The following GIGYF2 variants were observed in gnomAD, a reference collection of about 807,000 sequenced individuals.
The protein encoded by GIGYF2 is GRB10-interacting GYF protein 2.
Under a neutral mutation model 208.1 loss-of-function variants are expected in GIGYF2, and 25 were observed. That is an observed-to-expected ratio of 0.12 (90% CI 0.09 to 0.17). GIGYF2 has a LOEUF of 0.17. GIGYF2 is among the 10% of genes least tolerant of loss of function. The pLI is 1.00. For synonymous variants in GIGYF2, 534 were observed against 543.8 expected, an observed-to-expected ratio of 0.98 and a Z score of 0.25; for missense variants, 1,302 against 1,579.4, an observed-to-expected ratio of 0.82 and a Z score of 2.98.
At chr2:232,714,466 G>T (rs1483103895) in intron 2 of GIGYF2, among the ~76,000 whole-genome samples, 2 of 151,838 alleles carry the variant, frequency 1.3e-5, no homozygotes, top group Non-Finnish European at 2.9e-5. Context: ...TGCTTTTTTG[G>T]GGGGTGCAGT....
At chr2:232,840,915 G>A (rs1701794665) in intron 23 of GIGYF2, among the ~76,000 whole-genome samples, 1 of 152,128 alleles carries the variant, frequency 6.6e-6, no homozygotes, top group African/African-American at 2.4e-5. Context: ...TTTTGGATCT[G>A]GGTCATGTGG....
At chr2:232,755,085 G>T (rs79987996) in intron 5 of GIGYF2, among the ~76,000 whole-genome samples, 3,521 of 152,200 alleles carry the variant, frequency 0.023, 150 homozygotes, top group African/African-American at 0.081. Context: ...ATATTTCAGT[G>T]GATTTTGAAT....
At chr2:232,711,729 T>TATA in intron 2 of GIGYF2, among the ~76,000 whole-genome samples, 1 of 75,086 alleles carries the variant, frequency 1.3e-5, no homozygotes, top group East Asian at 4.2e-4. Context: ...ATATATATAG[T>TATA]TGTAATAGAA....
At chr2:232,844,621 G>A (rs1224512209) in intron 25 of GIGYF2, 47 bp downstream of exon 25, 1 of 1,321,932 alleles carries the variant, frequency 7.6e-7, no homozygotes, top group South Asian at 1.2e-5. Flanking sequence ...TGGTTGGGAG[G>A]TGGGGATGGA....
At chr2:232,833,124 C>T (rs973865303) in intron 22 of GIGYF2, 31 bp downstream of exon 22, 1 of 1,479,576 alleles carries the variant, frequency 6.8e-7, no homozygotes, top group Non-Finnish European at 9.2e-7. Context: ...CTTAGGAGCT[C>T]CTTGCTAACA....
intron 2 of GIGYF2, among the ~76,000 whole-genome samples, chr2:232,733,635 G>T (rs73995896): frequency 6.1e-4 from 93 of 152,240 alleles, no homozygotes; most frequent in African/African-American, 2.1e-3. Flanking sequence ...TTGTCCCTCA[G>T]TATCCATGGG....
In GIGYF2 at chr2:232,844,237, C is replaced by T. The variant is rs1701923449; in HGVS notation, c.3081C>T (p.Asn1027=). Residue 1027 remains asparagine, a synonymous_variant, in exon 24 of 29, where the codon AAC becomes AAT. Transcript: ENST00000373563. ...AGCAGCAGCAACACCAGCAACCAAACAGAGCTCGTAACAATACGGTGTGTG... is the reference window on the plus strand; with the variant it reads ...AGCAGCAGCAACACCAGCAACCAAATAGAGCTCGTAACAATACGGTGTGTG... The part of the protein sequence containing the change: ...QQQQQQHQQP[N]RARNNTHSNL... The T allele has an allele frequency of 6.4e-7, 1 of 1,571,928 alleles. No individual in the cohort carries two copies.
Position 232,722,089 on chromosome 2 carries a change from C to T in GIGYF2, c.-43-13066C>T, listed in dbSNP as rs144202503. 4.6e-4 allele frequency among the ~76,000 whole-genome samples: 70 copies of T among 152,322 alleles called. No homozygotes were observed. The East Asian group carries it at 0.013, about 29-fold the overall frequency. On this transcript the variant is annotated intron_variant, in intron 2 of 28. Transcript: ENST00000373563. ...GCTGACAAAACCCTAACCCTGGTTTCCTGTGGGCTCTCTGCCCCATACTCA... is the reference window on the plus strand; with the variant it reads ...GCTGACAAAACCCTAACCCTGGTTTTCTGTGGGCTCTCTGCCCCATACTCA...
At chr2:232,768,018 T>C (rs564368757) in intron 8 of GIGYF2, 2 of 639,998 alleles carry the variant, frequency 3.1e-6, no homozygotes, top group South Asian at 1.9e-5. Flanking sequence ...TAGAGTGTTA[T>C]GTTTCCAGAA....
intron 20 of GIGYF2, among the ~76,000 whole-genome samples, chr2:232,818,893 C>T (rs1189266184): frequency 6.6e-6 from 1 of 152,042 alleles, no homozygotes; most frequent in Non-Finnish European, 1.5e-5. Context: ...GATAAGTGTT[C>T]GAATGAAAGT....
At position 232,748,978 on chromosome 2, in the gene GIGYF2, G is replaced by A; in HGVS notation, c.172-9G>A. The A allele has an allele frequency of 7.4e-7, 1 of 1,348,816 alleles. No homozygotes were observed. The highest frequency in any genetic ancestry group is 1.2e-5 in the South Asian group (1 of 85,656). The allele number at this position is 1,348,816 out of a possible 1,614,324, so 83.6% of individuals were successfully genotyped here. Reference sequence around the variant, plus strand: ...CATTAATCTCATAATCATGTGTTTGGTCCTACAGATACCTTCAGACCTTCT... The same window carrying A: ...CATTAATCTCATAATCATGTGTTTGATCCTACAGATACCTTCAGACCTTCT... On this transcript the variant is annotated splice_polypyrimidine_tract_variant and intron_variant, in intron 4 of 28. Coordinates refer to ENST00000373563, the MANE Select transcript of GIGYF2 (RefSeq NM_001103146.3).
intron 15 of GIGYF2, among the ~76,000 whole-genome samples, chr2:232,809,241 C>T (rs1700655127): frequency 6.6e-6 from 1 of 152,214 alleles, no homozygotes; most frequent in African/African-American, 2.4e-5. Flanking sequence ...CCACGCCCGG[C>T]CTCTTTTTAT....
chr2:232,700,090 C>T (rs1410555091), intron 1 of GIGYF2, among the ~76,000 whole-genome samples: 1 of 152,100 alleles, frequency 6.6e-6, no homozygotes, highest in East Asian at 1.9e-4. Context: ...AATGCTTTTG[C>T]TGGTGAGATG....
chr2:232,739,847 C>T, intron 3 of GIGYF2, among the ~76,000 whole-genome samples: 1 of 151,250 alleles, frequency 6.6e-6, no homozygotes, highest in South Asian at 2.1e-4. Flanking sequence ...TGCCTGTAAT[C>T]CCAGCACTTT....
chr2:232,856,250 G>C (rs1006332826), intron 28 of GIGYF2, among the ~76,000 whole-genome samples: 6 of 152,050 alleles, frequency 3.9e-5, no homozygotes, highest in Non-Finnish European at 8.8e-5. Context: ...TTTTTAATTG[G>C]TGATGCTATT....
In GIGYF2 at chr2:232,857,707, G is replaced by A. The variant is rs1037864740; in HGVS notation, c.*847G>A. ...AGAGGACTAGGACCATTTTGTTTTGGGCCCTTCTGCTGAAAATTTGTCTCG... is the reference window on the plus strand; with the variant it reads ...AGAGGACTAGGACCATTTTGTTTTGAGCCCTTCTGCTGAAAATTTGTCTCG... On this transcript the variant is annotated 3_prime_UTR_variant, in exon 29 of 29. Transcript: ENST00000373563. 6.6e-6 allele frequency: 1 copy of A among 152,254 alleles called. No individual in the cohort carries two copies. Among genetic ancestry groups the A allele is most frequent in the African/African-American group, 2.4e-5 (1 of 41,302 alleles). 9.4% of individuals were successfully genotyped at this position (152,254 alleles called of 1,614,324 possible).
At chr2:232,729,013 C>T (rs1697334695) in intron 2 of GIGYF2, among the ~76,000 whole-genome samples, 4 of 151,966 alleles carry the variant, frequency 2.6e-5, no homozygotes, top group Admixed American at 2.0e-4. Context: ...GGGTCTGGCT[C>T]TGTTGCCCAG....
intron 8 of GIGYF2, among the ~76,000 whole-genome samples, chr2:232,786,946 T>TA (rs1162034223): frequency 1.3e-5 from 2 of 152,194 alleles, no homozygotes; most frequent in African/African-American, 2.4e-5. Flanking sequence ...TATTTTTGTT[T>TA]AAAAAAATTG....
At chr2:232,837,003 G>A (rs1701658825) in intron 22 of GIGYF2, among the ~76,000 whole-genome samples, 1 of 152,216 alleles carries the variant, frequency 6.6e-6, no homozygotes, top group Non-Finnish European at 1.5e-5. Context: ...GCTGAAGGGT[G>A]GGCAGAATAG....
Sources: allele counts gnomAD v4.1 joint callset (sites outside exome capture counted in the v4.1 genomes callset), GRCh38; gene constraint gnomAD v4.1.1; transcripts MANE v1.5; gene names NCBI Gene and HGNC (gene_info 2026-07-23, HGNC 2026-07-21).